The following SGCD variants were observed in gnomAD, a reference collection of about 807,000 sequenced individuals.
The protein encoded by SGCD is sarcoglycan delta.
In SGCD, 18 loss-of-function variants were observed where a neutral mutation model predicts 36.6. The ratio of observed to expected loss-of-function variants is 0.49; its 90% CI spans 0.34 to 0.73. The LOEUF is 0.73. Ranked by LOEUF, SGCD falls within the 30% of genes least tolerant of loss-of-function variation. SGCD has a pLI of 0.01. For synonymous variants in SGCD, 133 were observed against 130.6 expected (o/e 1.02, Z -0.12); for missense variants, 387 against 346.7 (o/e 1.12, Z -0.92).
At chr5:156,313,571 T>C (rs1009454575) in intron 3 of SGCD, among the ~76,000 whole-genome samples, 7 of 152,112 alleles carry the variant, frequency 4.6e-5, no homozygotes, top group Non-Finnish European at 1.0e-4. Context: ...CAAAACATTA[T>C]ATCCATAAGG....
chr5:155,937,224 C>T (rs1236978513), intron 1 of SGCD, among the ~76,000 whole-genome samples: 2 of 152,132 alleles, frequency 1.3e-5, no homozygotes, highest in Non-Finnish European at 2.9e-5. Context: ...TGCCTGTTCC[C>T]GGCTCCCACT....
At chr5:156,271,118 T>C (rs143560586) in intron 3 of SGCD, among the ~76,000 whole-genome samples, 37 of 152,300 alleles carry the variant, frequency 2.4e-4, no homozygotes, top group Admixed American at 2.2e-3. Context: ...TTTTCTGCAA[T>C]AGTAAACAAC....
At position 156,594,943 on chromosome 5, in the gene SGCD, G is replaced by A. The variant is rs367819390; in HGVS notation, c.394G>A (p.Val132Ile). Residue 132 changes from valine to isoleucine, a missense_variant, in exon 6 of 9, where the codon GTA becomes ATA. By Grantham distance (29) the Val-to-Ile change is conservative. Coordinates refer to ENST00000337851, the MANE Select transcript of SGCD (RefSeq NM_000337.6). ...LTQLITGPKAVEAYGKKFEVK... is the reference protein window; with the variant it reads ...LTQLITGPKAIEAYGKKFEVK... The stretch of plus-strand genomic sequence containing the variant: ...TCTATATCTCTCAGGTCCAAAAGCC[G>A]TAGAAGCTTATGGTAAAAAATTTGA... 4.0e-5 allele frequency: 65 copies of A among 1,605,314 alleles called. No homozygotes were observed. The highest frequency in any genetic ancestry group is 2.5e-4 in the African/African-American group (19 of 74,822).
At chr5:156,185,118 T>C (rs1463442977) in intron 3 of SGCD, among the ~76,000 whole-genome samples, 1 of 152,148 alleles carries the variant, frequency 6.6e-6, no homozygotes, top group Non-Finnish European at 1.5e-5. Flanking sequence ...GAAATGTTTG[T>C]GTTTTGGTTC....
chr5:156,678,094 A>C (rs1753585107), intron 7 of SGCD, among the ~76,000 whole-genome samples: 1 of 152,188 alleles, frequency 6.6e-6, no homozygotes, highest in African/African-American at 2.4e-5. Flanking sequence ...TTAAGTCAGA[A>C]TCTTTAGGAG....
intron 3 of SGCD, among the ~76,000 whole-genome samples, chr5:156,190,516 A>G (rs1763864395): frequency 1.3e-5 from 2 of 152,164 alleles, no homozygotes; most frequent in Admixed American, 1.3e-4. Flanking sequence ...CTTAGGGTAA[A>G]TGAAAACTTC....
At chr5:155,769,773 T>C in the SGCD span, among the ~76,000 whole-genome samples, 2 of 152,202 alleles carry the variant, frequency 1.3e-5, no homozygotes, top group African/African-American at 4.8e-5. Flanking sequence ...GGCGTGGCCT[T>C]CTTCCAAGTA....
At chr5:156,080,342 A>G (rs112444555) in intron 1 of SGCD, among the ~76,000 whole-genome samples, 1 of 152,056 alleles carries the variant, frequency 6.6e-6, no homozygotes, top group Non-Finnish European at 1.5e-5. Context: ...CCTTTTTCCC[A>G]TTGTCTTGGC....
At chr5:156,197,951 A>C (rs895556993) in intron 3 of SGCD, among the ~76,000 whole-genome samples, 1 of 152,094 alleles carries the variant, frequency 6.6e-6, no homozygotes, top group Non-Finnish European at 1.5e-5. Context: ...AGGAGGGAGG[A>C]AGCCGGGGTT....
chr5:155,887,036 T>G (rs112731296), intron 1 of SGCD, among the ~76,000 whole-genome samples: 18 of 152,322 alleles, frequency 1.2e-4, no homozygotes, highest in African/African-American at 4.3e-4. Flanking sequence ...GGTGTCCCTT[T>G]TATTTCATGG....
the SGCD span, among the ~76,000 whole-genome samples, chr5:155,783,553 C>T: frequency 6.7e-6 from 1 of 149,898 alleles, no homozygotes; most frequent in Middle Eastern, 3.4e-3. Flanking sequence ...TTTTTTTTTA[C>T]AAACTCTGAA....
chr5:155,753,323 G>A, the SGCD span, among the ~76,000 whole-genome samples: 4 of 129,464 alleles, frequency 3.1e-5, no homozygotes, highest in African/African-American at 1.6e-4. Context: ...GTGACAGAGC[G>A]AGACTTTGTC....
At chr5:156,389,120 C>T (rs1358988404) in intron 3 of SGCD, among the ~76,000 whole-genome samples, 1 of 152,194 alleles carries the variant, frequency 6.6e-6, no homozygotes, top group African/African-American at 2.4e-5. Context: ...GAAGCTTCCC[C>T]TCTCCAAGCC....
chr5:156,704,876 C>G (rs572957780), intron 7 of SGCD, among the ~76,000 whole-genome samples: 99 of 151,638 alleles, frequency 6.5e-4, no homozygotes, highest in Non-Finnish European at 1.2e-3. Flanking sequence ...TGCCATTCAC[C>G]TGGTGGTAGC....
At chr5:156,280,483 TC>T (rs1468924383) in intron 3 of SGCD, among the ~76,000 whole-genome samples, 1 of 152,230 alleles carries the variant, frequency 6.6e-6, no homozygotes, top group Non-Finnish European at 1.5e-5. Flanking sequence ...TCAGAAGACC[TC>T]CTGATGGCAT....
chr5:155,891,350 G>A (rs1432698516), intron 1 of SGCD, among the ~76,000 whole-genome samples: 2 of 152,066 alleles, frequency 1.3e-5, no homozygotes, highest in African/African-American at 4.8e-5. Context: ...AAGCTGAGTG[G>A]TCTTGAGCAG....
chr5:156,736,607 A>AGCCAGATAGTCCTGGTTAC (rs1561886056), intron 7 of SGCD, among the ~76,000 whole-genome samples: 1 of 152,132 alleles, frequency 6.6e-6, no homozygotes, highest in Non-Finnish European at 1.5e-5. Flanking sequence ...GCTACTTTGA[A>AGCCAGATAGTCCTGGTTAC]GCCAGATAGT....
intron 3 of SGCD, among the ~76,000 whole-genome samples, chr5:156,358,820 C>G (rs1769625630): frequency 6.6e-6 from 1 of 151,920 alleles, no homozygotes; most frequent in Admixed American, 6.6e-5. Context: ...AAATGGGCAT[C>G]TAGTAATGTT....
intron 3 of SGCD, among the ~76,000 whole-genome samples, chr5:156,364,950 G>A (rs17636636): frequency 0.019 from 2,854 of 152,300 alleles, 35 homozygotes; most frequent in Non-Finnish European, 0.031. Context: ...GCATCATGGT[G>A]CATGTTGGTA....
Sources: gnomAD v4.1 joint callset for allele counts (sites outside exome capture counted in the v4.1 genomes callset) on GRCh38, gnomAD v4.1.1 for gene constraint, MANE v1.5 for transcripts, NCBI Gene and HGNC (gene_info 2026-07-23, HGNC 2026-07-21) for gene names.